Variants in ARHGAP20 observed in about 807,000 individuals in gnomAD.
ARHGAP20 encodes the protein rho GTPase-activating protein 20.
A neutral mutation model predicts 73.7 loss-of-function variants in ARHGAP20; 34 were observed. That is an observed-to-expected ratio of 0.46 (90% CI 0.35 to 0.61). The LOEUF (loss-of-function observed/expected upper bound fraction) is 0.61. ARHGAP20 is among the 20% of genes least tolerant of loss of function. The pLI is 0.00. For synonymous variants in ARHGAP20, 523 were observed against 518.2 expected (o/e 1.01, Z -0.13); for missense variants, 1,314 against 1,420.9 (o/e 0.92, Z 1.21).
At chr11:110,695,175 C>T (rs556122799) in intron 1 of ARHGAP20, among the ~76,000 whole-genome samples, 1 of 151,564 alleles carries the variant, frequency 6.6e-6, no homozygotes, top group Non-Finnish European at 1.5e-5. Flanking sequence ...ACCCTTACCT[C>T]AGACCATATA....
rs192299552 is a variant in ARHGAP20, at chr11:110,584,077, T to C, written c.1416-340A>G. Among the ~76,000 whole-genome samples the C allele has an allele frequency of 3.1e-3, 478 of 152,290 alleles. 2 individuals are homozygous for C. Among genetic ancestry groups the C allele is most frequent in the Admixed American group, 8.6e-3 (131 of 15,290 alleles). On this transcript the variant is annotated intron_variant, in intron 12 of 14. Coordinates refer to ENST00000683387, the MANE Select transcript of ARHGAP20 (RefSeq NM_001384657.1). ...GCCAATCCTGTAACATTTCAGAATATTTTCAACCAAAAACAACAAAAAGCT... is the reference window on the plus strand; with the variant it reads ...GCCAATCCTGTAACATTTCAGAATACTTTCAACCAAAAACAACAAAAAGCT...
In ARHGAP20 at chr11:110,580,704, G is replaced by A; in HGVS notation, c.2242C>T (p.Pro748Ser). Reference sequence around the variant, plus strand: ...CATGTCTTTCCTTCCTCCTGGAGGGGTTGATTCTGCTTCAGATAGTCTTCA... The same window carrying A: ...CATGTCTTTCCTTCCTCCTGGAGGGATTGATTCTGCTTCAGATAGTCTTCA... ...KDEDYLKQNQ[P>S]LQEEGKTCFK... is the part of the protein sequence containing the mutation. Residue 748 changes from proline (P) to serine (S), a missense_variant, in exon 15 of 15, where the codon CCC becomes TCC. This residue lies in a region of ARHGAP20 where 641 missense variants were observed against 636.9 expected (regional missense o/e 1.01). Coordinates refer to ENST00000683387, the MANE Select transcript of ARHGAP20 (RefSeq NM_001384657.1). The A allele has an allele frequency of 6.2e-7, 1 of 1,613,944 alleles. No individual in the cohort carries two copies. The highest frequency in any genetic ancestry group is 8.5e-7 in the Non-Finnish European group (1 of 1,179,844).
intron 9 of ARHGAP20, among the ~76,000 whole-genome samples, chr11:110,596,467 A>G (rs1319452516): frequency 6.6e-6 from 1 of 152,050 alleles, no homozygotes; most frequent in Non-Finnish European, 1.5e-5. Context: ...AACCCCATCA[A>G]AAAGTGGGCA....
chr11:110,583,528 A>C lies in ARHGAP20; in HGVS notation c.1605+20T>G, dbSNP rs202030662. On this transcript the variant is annotated intron_variant, in intron 13 of 14. Coordinates refer to ENST00000683387, the MANE Select transcript of ARHGAP20 (RefSeq NM_001384657.1). ...CGGGGACTCAGTCTCCCAGGGCATA[A>C]AAATGAAAAACTTCATTACCTTTTT... The C allele has an allele frequency of 6.4e-7, 1 of 1,567,670 alleles. No individual in the cohort carries two copies. The highest frequency in any genetic ancestry group is 8.7e-7 in the Non-Finnish European group (1 of 1,152,702).
intron 1 of ARHGAP20, among the ~76,000 whole-genome samples, chr11:110,706,102 A>T (rs1287574389): frequency 1.3e-5 from 2 of 152,078 alleles, no homozygotes; most frequent in Non-Finnish European, 2.9e-5. Flanking sequence ...TAGAAATGCC[A>T]CTCTCCAAAG....
At chr11:110,699,599 A>G (rs182509558) in intron 1 of ARHGAP20, among the ~76,000 whole-genome samples, 1 of 152,108 alleles carries the variant, frequency 6.6e-6, no homozygotes, top group African/African-American at 2.4e-5. Context: ...AGGTGCATAT[A>G]TATTTAAGAT....
chr11:110,628,681 A>G (rs1029564835), intron 3 of ARHGAP20, among the ~76,000 whole-genome samples: 1 of 152,198 alleles, frequency 6.6e-6, no homozygotes, highest in African/African-American at 2.4e-5. Flanking sequence ...CTCTTAAATA[A>G]CAGCATTTAA....
At chr11:110,589,761 A>G in intron 11 of ARHGAP20, 1 of 931,652 alleles carries the variant, frequency 1.1e-6, no homozygotes, top group Non-Finnish European at 1.3e-6. Context: ...ACCACAAAGA[A>G]TGCCAAGTGT....
At chr11:110,691,053 CAAGT>C in intron 1 of ARHGAP20, 2 of 1,457,542 alleles carry the variant, frequency 1.4e-6, no homozygotes, top group South Asian at 1.3e-5. Flanking sequence ...CAAGAAAAGA[CAAGT>C]AAAGGAGAGG....
intron 3 of ARHGAP20, among the ~76,000 whole-genome samples, chr11:110,629,572 A>C (rs906606617): frequency 6.6e-6 from 1 of 152,166 alleles, no homozygotes; most frequent in Non-Finnish European, 1.5e-5. Context: ...CTCCAAAACT[A>C]TATCTGTAGG....
chr11:110,657,342 C>T (rs939629644), intron 2 of ARHGAP20, among the ~76,000 whole-genome samples: 1 of 151,936 alleles, frequency 6.6e-6, no homozygotes, highest in African/African-American at 2.4e-5. Flanking sequence ...ATGAGGTAGT[C>T]ACTGGCCACT....
chr11:110,608,542 G>A (rs1470455054), intron 8 of ARHGAP20, among the ~76,000 whole-genome samples: 3 of 152,060 alleles, frequency 2.0e-5, no homozygotes, highest in African/African-American at 7.2e-5. Flanking sequence ...TACATAGCAG[G>A]TATTACATAC....
chr11:110,627,762 TA>T (rs565225077), intron 3 of ARHGAP20, among the ~76,000 whole-genome samples: 53 of 152,352 alleles, frequency 3.5e-4, no homozygotes, highest in African/African-American at 1.2e-3. Flanking sequence ...GTAAATTCCA[TA>T]TGGGTGCTCA....
Position 110,630,788 on chromosome 11 carries a change from T to A in ARHGAP20, c.193A>T (p.Ser65Cys). The A allele has an allele frequency of 6.2e-7, 1 of 1,613,858 alleles. No homozygotes were observed. Among genetic ancestry groups the A allele is most frequent in the Admixed American group, 1.7e-5 (1 of 59,992 alleles). The change falls in exon 3 of 15, where the codon AGT becomes TGT. Residue 65 changes from serine to cysteine, a missense_variant. By Grantham distance (112) the Ser-to-Cys change is moderately radical (BLOSUM62 -1). Coordinates refer to ENST00000683387, the MANE Select transcript of ARHGAP20 (RefSeq NM_001384657.1). ...CATGTGTCAACACTAGCAGAAGGAC[T>A]GTCCCTGTAACAGATCAAATGCCAC... The part of the protein sequence containing the change: ...ALQKRPTTRD[S>C]PSASVDTCTF...
intron 4 of ARHGAP20, among the ~76,000 whole-genome samples, chr11:110,616,686 C>CTTT (rs58360001): frequency 1.4e-5 from 2 of 140,232 alleles, no homozygotes; most frequent in Admixed American, 7.1e-5. Flanking sequence ...ACATTTTTTT[C>CTTT]TTTTTTTTTT....
At chr11:110,611,854 G>A (rs1948374264) in intron 6 of ARHGAP20, among the ~76,000 whole-genome samples, 1 of 152,114 alleles carries the variant, frequency 6.6e-6, no homozygotes, top group Non-Finnish European at 1.5e-5. Flanking sequence ...GTCAGGTTAG[G>A]TAAAATCAGG....
At chr11:110,638,837 C>T (rs564774823) in intron 2 of ARHGAP20, among the ~76,000 whole-genome samples, 97 of 151,856 alleles carry the variant, frequency 6.4e-4, no homozygotes, top group Non-Finnish European at 1.3e-3. Context: ...ACATCACACA[C>T]TGGGGACTGT....
chr11:110,672,548 G>A (rs1348820784), intron 2 of ARHGAP20, among the ~76,000 whole-genome samples: 1 of 151,678 alleles, frequency 6.6e-6, no homozygotes, highest in Admixed American at 6.6e-5. Flanking sequence ...ATGTTCAAAC[G>A]ATTCTCCCAC....
rs35306856 is a variant in ARHGAP20 at position 110,577,471 on chromosome 11, GAA to G, written c.*1897_*1898del. ...TGAATGATTTTTTACCTGCTAACAT[GAA>G]AAAAAAAAAAAAGGCAATTTCTTCC... On this transcript the variant is annotated 3_prime_UTR_variant, in exon 15 of 15. Transcript: ENST00000683387. 31,410 of 718,474 alleles carry G rather than the reference GAA, an allele frequency of 0.044. No homozygotes were observed. Among genetic ancestry groups the G allele is most frequent in the Middle Eastern group, 0.057 (82 of 1,440 alleles). 44.5% of individuals were successfully genotyped at this position (718,474 alleles called of 1,614,324 possible).
Sources: gnomAD v4.1 joint callset for allele counts (sites outside exome capture counted in the v4.1 genomes callset) on GRCh38, gnomAD v4.1.1 for gene constraint, gnomAD v4.1.1 regional missense constraint, MANE v1.5 for transcripts, NCBI Gene and HGNC (gene_info 2026-07-23, HGNC 2026-07-21) for gene names.